The following SYDE2 variants were observed in gnomAD, a reference collection of about 807,000 sequenced individuals.
The protein encoded by SYDE2 is rho GTPase-activating protein SYDE2.
A neutral mutation model predicts 91.5 loss-of-function variants in SYDE2; 76 were observed. The observed-to-expected ratio is 0.83, with a 90% confidence interval of 0.69 to 1.01. The LOEUF (loss-of-function observed/expected upper bound fraction) is 1.01. SYDE2 is among the 50% of genes least tolerant of loss of function. SYDE2 has a pLI of 0.00. For synonymous variants in SYDE2, 513 were observed against 506.4 expected (o/e 1.01, Z -0.18); for missense variants, 1,364 against 1,367.7 (o/e 1.00, Z 0.04).
intron 5 of SYDE2, among the ~76,000 whole-genome samples, chr1:85,166,860 A>T (rs1017065156): frequency 2.0e-5 from 3 of 152,026 alleles, no homozygotes; most frequent in East Asian, 1.9e-4. Context: ...AGGAATGCAA[A>T]TTTTTTTTGA....
chr1:85,163,721 T>G (rs995378747), intron 6 of SYDE2, among the ~76,000 whole-genome samples: 5 of 151,950 alleles, frequency 3.3e-5, no homozygotes, highest in Non-Finnish European at 7.4e-5. Context: ...ACTAGTGTGC[T>G]CTACACTAAA....
At chr1:85,191,523 G>T (rs1183421548) in intron 1 of SYDE2, among the ~76,000 whole-genome samples, 2 of 152,128 alleles carry the variant, frequency 1.3e-5, no homozygotes, top group Non-Finnish European at 2.9e-5. Flanking sequence ...ACTTTGGGAG[G>T]CCGAGGCAGG....
At chr1:85,168,306 C>T (rs756244206) in intron 5 of SYDE2, among the ~76,000 whole-genome samples, 24 of 152,088 alleles carry the variant, frequency 1.6e-4, no homozygotes, top group Non-Finnish European at 1.5e-4. Context: ...ACAGTAAACT[C>T]GCAAGTCAAG....
At chr1:85,156,603 G>A (rs767808241), downstream of SYDE2, among the ~76,000 whole-genome samples, 1 of 151,958 alleles carries the variant, frequency 6.6e-6, no homozygotes, top group South Asian at 2.1e-4. Context: ...GCTATAACTC[G>A]GTGATGAGAC....
At chr1:85,197,635 C>T (rs986869920) in intron 1 of SYDE2, among the ~76,000 whole-genome samples, 7 of 151,912 alleles carry the variant, frequency 4.6e-5, no homozygotes, top group East Asian at 3.8e-4. Context: ...ACAGCAAATG[C>T]TTTTTTAAAT....
intron 1 of SYDE2, among the ~76,000 whole-genome samples, chr1:85,192,162 G>T (rs960142513): frequency 1.3e-5 from 2 of 152,128 alleles, no homozygotes; most frequent in Non-Finnish European, 2.9e-5. Context: ...AAGGTTTTCA[G>T]TAACCTCCCT....
chr1:85,200,259 C>T lies in SYDE2; in HGVS notation c.738G>A (p.Thr246=). Residue 246 remains threonine, a synonymous_variant, in exon 1 of 7, where the codon ACG becomes ACA. Transcript: ENST00000341460. ...VLSVPPDQRI[T]LTDLFENAYG... is the part of the protein sequence containing the mutation. ...CATCGCAAAGTATCCTACCTGTCAG[C>T]GTAATTCTTTGGTCTGGAGGCACCG... 2 of 1,613,934 alleles carry T rather than the reference C, an allele frequency of 1.2e-6. No homozygotes were observed. The highest frequency in any genetic ancestry group is 2.2e-5 in the South Asian group (2 of 91,088).
At position 85,160,754 on chromosome 1, in the gene SYDE2, G is replaced by A. The variant is rs115773234; in HGVS notation, c.3086-1505C>T. The A allele has an allele frequency of 4.7e-3, 4,679 of 985,226 alleles. 161 individuals carry two copies. In the African/African-American group the frequency reaches 0.076, roughly 16 times the overall value. 61.0% of individuals were successfully genotyped at this position (985,226 alleles called of 1,614,324 possible). On this transcript the variant is annotated intron_variant, in intron 6 of 6. Transcript: ENST00000341460. The stretch of plus-strand genomic sequence containing the variant: ...AATTACAATATTCTGCTAGCCTTGA[G>A]GTTATCTGGTCTGATCTAACCATGT...
chr1:85,162,403 A>C (rs577262731), intron 6 of SYDE2, among the ~76,000 whole-genome samples: 2 of 152,258 alleles, frequency 1.3e-5, no homozygotes, highest in African/African-American at 4.8e-5. Flanking sequence ...AAGTAAATGC[A>C]CCTCGTCTAC....
At chr1:85,194,578 CA>C (rs1283849280) in intron 1 of SYDE2, among the ~76,000 whole-genome samples, 6 of 150,916 alleles carry the variant, frequency 4.0e-5, no homozygotes, top group Non-Finnish European at 8.9e-5. Context: ...AGTTACAAGG[CA>C]AAAAAAGTCC....
At chr1:85,172,571 C>A (rs563374894) in intron 4 of SYDE2, among the ~76,000 whole-genome samples, 65 of 152,048 alleles carry the variant, frequency 4.3e-4, no homozygotes, top group African/African-American at 1.1e-3. Flanking sequence ...AAATGCCAGA[C>A]AAAATATCTG....
intron 2 of SYDE2, among the ~76,000 whole-genome samples, chr1:85,187,391 A>C (rs1442666064): frequency 3.9e-5 from 6 of 152,052 alleles, no homozygotes; most frequent in African/African-American, 1.5e-4. Context: ...GATGTGGAGA[A>C]ATAGGAACAC....
intron 6 of SYDE2, among the ~76,000 whole-genome samples, chr1:85,161,682 C>A (rs188236564): frequency 2.7e-5 from 4 of 148,096 alleles, no homozygotes; most frequent in South Asian, 2.1e-4. Flanking sequence ...GTCAAGATTG[C>A]GCCAGTGCAC....
intron 1 of SYDE2, among the ~76,000 whole-genome samples, chr1:85,197,283 T>TACTATCAAA (rs1476928830): frequency 3.9e-5 from 6 of 152,196 alleles, no homozygotes; most frequent in Admixed American, 3.9e-4. Context: ...AAGTTCTTAG[T>TACTATCAAA]AGGAGCCAGA....
chr1:85,161,048 T>C (rs1657035810), intron 6 of SYDE2: 1 of 983,052 alleles, frequency 1.0e-6, no homozygotes, highest in South Asian at 4.7e-5. Context: ...CAACTAAATA[T>C]ACGGTGAAAA....
intron 5 of SYDE2, among the ~76,000 whole-genome samples, chr1:85,165,150 C>G (rs1361199985): frequency 6.6e-6 from 1 of 152,158 alleles, no homozygotes; most frequent in Non-Finnish European, 1.5e-5. Context: ...GGGAGAATCG[C>G]TGGAACCCAG....
In SYDE2 at chr1:85,159,290, A is replaced by T. The variant is rs568170355; in HGVS notation, c.3086-41T>A. On this transcript the variant is annotated intron_variant, in intron 6 of 6. Coordinates refer to ENST00000341460, the MANE Select transcript of SYDE2 (RefSeq NM_032184.2). ...AATTTTGCTTTAGTGACAGTAATCCAACTGAACTTAAAAAAAAAACAGAGC... is the reference window on the plus strand; with the variant it reads ...AATTTTGCTTTAGTGACAGTAATCCTACTGAACTTAAAAAAAAAACAGAGC... 3 of 749,004 alleles carry T rather than the reference A, an allele frequency of 4.0e-6. No individual in the cohort carries two copies. In the African/African-American group the frequency reaches 5.2e-5, roughly 13 times the overall value. 46.4% of individuals were successfully genotyped at this position (749,004 alleles called of 1,614,324 possible).
chr1:85,198,914 CA>C (rs1658703642), intron 1 of SYDE2, among the ~76,000 whole-genome samples: 1 of 152,132 alleles, frequency 6.6e-6, no homozygotes, highest in African/African-American at 2.4e-5. Context: ...CACCTCTCAA[CA>C]AAGAATTTAC....
At position 85,200,461 on chromosome 1, in the gene SYDE2, G is replaced by A; in HGVS notation, c.536C>T (p.Ser179Phe). The change falls in exon 1 of 7, where the codon TCC becomes TTC. Residue 179 changes from serine (S) to phenylalanine (F), a missense_variant. By Grantham distance (155) the Ser-to-Phe change is radical (BLOSUM62 -2). Coordinates refer to ENST00000341460, the MANE Select transcript of SYDE2 (RefSeq NM_032184.2). ...SGKGDRQEGP[S>F]FLRPPAVTVK... ...TGTCACTGCCGGCGGCCTGAGGAAG[G>A]AGGGGCCTTCCTGGCGGTCTCCTTT... The A allele has an allele frequency of 6.2e-7, 1 of 1,613,964 alleles. No individual in the cohort carries two copies.
Sources: gnomAD v4.1 joint callset for allele counts (sites outside exome capture counted in the v4.1 genomes callset) on GRCh38, gnomAD v4.1.1 for gene constraint, MANE v1.5 for transcripts, NCBI Gene and HGNC (gene_info 2026-07-23, HGNC 2026-07-21) for gene names.